Variants in PHLPP1 observed in about 807,000 individuals in gnomAD.
PHLPP1 encodes PH domain leucine-rich repeat-containing protein phosphatase 1.
Under a neutral mutation model 117.2 loss-of-function variants are expected in PHLPP1, and 42 were observed. That is an observed-to-expected ratio of 0.36 (90% confidence interval 0.28 to 0.46). The LOEUF (loss-of-function observed/expected upper bound fraction) is 0.46, where lower values mean the gene tolerates loss of function less well. Among genes scored for constraint, PHLPP1 ranks in the 20% least tolerant of loss-of-function variants. The pLI, the probability that PHLPP1 is intolerant of heterozygous loss-of-function variation, is 1.00. For synonymous variants in PHLPP1, 1,042 were observed against 970.7 expected, an observed-to-expected ratio of 1.07 and a Z score of -1.37; for missense variants, 2,084 against 2,241.9, an observed-to-expected ratio of 0.93 and a Z score of 1.42.
intron 1 of PHLPP1, among the ~76,000 whole-genome samples, chr18:62,763,893 T>C (rs137858782): frequency 2.6e-4 from 39 of 152,146 alleles, no homozygotes; most frequent in African/African-American, 9.1e-4. Context: ...CTGGGTGCGG[T>C]GGCTCACACC....
intron 1 of PHLPP1, among the ~76,000 whole-genome samples, chr18:62,816,616 A>G (rs1914282953): frequency 6.6e-6 from 1 of 152,148 alleles, no homozygotes; most frequent in Non-Finnish European, 1.5e-5. Context: ...TTATTTTTCT[A>G]AAACTTTATG....
chr18:62,975,681 G>A, intron 16 of PHLPP1, 56 bp downstream of exon 16: 1 of 1,171,970 alleles, frequency 8.5e-7, no homozygotes, highest in Non-Finnish European at 1.3e-6. Flanking sequence ...AGGAGACCAG[G>A]TCATAGCAGA....
chr18:62,951,626 CTT>C (rs1434026521), intron 12 of PHLPP1, among the ~76,000 whole-genome samples: 1 of 152,106 alleles, frequency 6.6e-6, no homozygotes, highest in Admixed American at 6.6e-5. Flanking sequence ...TTTCAAGTCT[CTT>C]TTTCAGTCTA....
intron 4 of PHLPP1, among the ~76,000 whole-genome samples, chr18:62,874,649 G>A (rs1294156733): frequency 3.1e-5 from 3 of 96,394 alleles, no homozygotes; most frequent in Non-Finnish European, 7.4e-5. Context: ...GGGCGCGCAC[G>A]CACGCGCGCA....
intron 4 of PHLPP1, among the ~76,000 whole-genome samples, chr18:62,891,933 A>G (rs1233278297): frequency 6.7e-6 from 1 of 149,512 alleles, no homozygotes; most frequent in Non-Finnish European, 1.5e-5. Context: ...ATTTTAATGT[A>G]TATTAATTCA....
At chr18:62,970,296 A>G (rs1911016522) in intron 14 of PHLPP1, among the ~76,000 whole-genome samples, 1 of 151,954 alleles carries the variant, frequency 6.6e-6, no homozygotes. Context: ...CTATGTTATA[A>G]CCTCCAAAAT....
At chr18:62,817,572 TA>T (rs557372487) in intron 1 of PHLPP1, among the ~76,000 whole-genome samples, 9 of 147,830 alleles carry the variant, frequency 6.1e-5, no homozygotes, top group Non-Finnish European at 9.0e-5. Context: ...CATACAGAAT[TA>T]AAAAAAAAAC....
intron 1 of PHLPP1, among the ~76,000 whole-genome samples, chr18:62,793,785 C>G (rs1416787115): frequency 6.6e-6 from 1 of 152,160 alleles, no homozygotes; most frequent in African/African-American, 2.4e-5. Context: ...AGAGTCTATT[C>G]TCTTAACTCC....
At chr18:62,776,062 A>AT (rs201002525) in intron 1 of PHLPP1, among the ~76,000 whole-genome samples, 13 of 152,084 alleles carry the variant, frequency 8.5e-5, no homozygotes, top group Non-Finnish European at 1.6e-4. Flanking sequence ...CTATAAAGAG[A>AT]TTTAAAAAAA....
intron 10 of PHLPP1, among the ~76,000 whole-genome samples, chr18:62,922,492 T>C (rs1909504565): frequency 2.0e-5 from 3 of 152,234 alleles, no homozygotes; most frequent in Admixed American, 2.0e-4. Flanking sequence ...CAGATCACTT[T>C]AGACATATGC....
rs188567416 is a variant in PHLPP1 at position 62,902,929 on chromosome 18, A to G, written c.2445-35A>G. 502 of 1,306,450 alleles carry G rather than the reference A, an allele frequency of 3.8e-4. 6 individuals are homozygous for G. In the South Asian group the frequency reaches 5.3e-3, roughly 14 times the overall value. 80.9% of individuals were successfully genotyped at this position (1,306,450 alleles called of 1,614,324 possible). A position where few individuals can be genotyped will look rare whatever the true frequency, so the allele number is the denominator to read the frequency against. ...TGTGCCCATTTACTTATAGCATTGC[A>G]GTTAATTATAGTCTCTATGTCCTTT... On this transcript the variant is annotated intron_variant, in intron 6 of 16. Coordinates refer to ENST00000262719, the MANE Select transcript of PHLPP1 (RefSeq NM_194449.4).
At chr18:62,798,583 G>A (rs539409216) in intron 1 of PHLPP1, among the ~76,000 whole-genome samples, 3 of 152,304 alleles carry the variant, frequency 2.0e-5, no homozygotes, top group African/African-American at 7.2e-5. Flanking sequence ...ACATTTTAGA[G>A]TTATGTTGTT....
rs1911306779 is a variant in PHLPP1 at position 62,979,334 on chromosome 18, A to C, written c.5057A>C (p.Gln1686Pro). ...ATGAAGCATCACCAGGAGCAACAGC[A>C]GCAGCAGCAGCCGCCACCACCCCCT... ...EIMKHHQEQQQQQQPPPPPQL... is the reference protein window; with the variant it reads ...EIMKHHQEQQPQQQPPPPPQL... The change falls in exon 17 of 17, where the codon CAG becomes CCG. Residue 1686 changes from glutamine to proline, a missense_variant. Physicochemically the swap from Gln to Pro is moderately conservative, Grantham distance 76. Coordinates refer to ENST00000262719, the MANE Select transcript of PHLPP1 (RefSeq NM_194449.4). 1 of 1,551,140 alleles carries C rather than the reference A, an allele frequency of 6.4e-7. No individual in the cohort carries two copies. Among genetic ancestry groups the C allele is most frequent in the Non-Finnish European group, 8.7e-7 (1 of 1,146,190 alleles).
At chr18:62,896,396 A>G (rs1356398593) in intron 6 of PHLPP1, among the ~76,000 whole-genome samples, 5 of 148,838 alleles carry the variant, frequency 3.4e-5, no homozygotes, top group Non-Finnish European at 5.9e-5. Context: ...GGTTCATGCC[A>G]TTCTCCTGTC....
chr18:62,930,827 C>A (rs1357699962), intron 10 of PHLPP1, among the ~76,000 whole-genome samples: 2 of 152,128 alleles, frequency 1.3e-5, no homozygotes, highest in Non-Finnish European at 2.9e-5. Context: ...AAATTGAAAT[C>A]CTGTCAAGCA....
At position 62,740,657 on chromosome 18, in the gene PHLPP1, G is replaced by A. The variant is rs114444864; in HGVS notation, c.1576+23398G>A. On this transcript the variant is annotated intron_variant, in intron 1 of 16. Transcript: ENST00000262719. ...ATTATGGTTATTGAAACAAAAACGAGCATTATTTTAGTTTTTCTTAAGAAC... is the reference window on the plus strand; with the variant it reads ...ATTATGGTTATTGAAACAAAAACGAACATTATTTTAGTTTTTCTTAAGAAC... 3.9e-3 allele frequency among the ~76,000 whole-genome samples: 594 copies of A among 152,298 alleles called. 3 individuals carry two copies. Among genetic ancestry groups the A allele is most frequent in the African/African-American group, 0.013 (561 of 41,564 alleles).
chr18:62,978,760 T>G lies in PHLPP1; in HGVS notation c.4483T>G (p.Ser1495Ala), dbSNP rs1217445176. The change falls in exon 17 of 17, where the codon TCC (serine) becomes GCC (alanine). Residue 1495 changes from serine (S) to alanine (A), a missense_variant. By Grantham distance (99) the Ser-to-Ala change is moderately conservative (BLOSUM62 1). Transcript: ENST00000262719. This position sits in a 1 kb window ranked among gnomAD's most constrained non-coding sequence, Gnocchi z 7.0. ...GAGCAGCGAGGTGGGGTCAACAGCCTCCGATGAGCCCCCGCCCGGAGCCCT... is the reference window on the plus strand; with the variant it reads ...GAGCAGCGAGGTGGGGTCAACAGCCGCCGATGAGCCCCCGCCCGGAGCCCT... Reference protein sequence around the residue: ...EMSSEVGSTASDEPPPGALSE... With the variant: ...EMSSEVGSTAADEPPPGALSE... 1 of 1,613,092 alleles carries G rather than the reference T, an allele frequency of 6.2e-7. No individual in the cohort carries two copies. The highest frequency in any genetic ancestry group is 8.5e-7 in the Non-Finnish European group (1 of 1,179,728).
chr18:62,750,570 C>T (rs575417352), intron 1 of PHLPP1, among the ~76,000 whole-genome samples: 4 of 152,308 alleles, frequency 2.6e-5, no homozygotes, highest in Admixed American at 1.3e-4. Context: ...CAGCTTGTCT[C>T]AGATTGGACT....
In PHLPP1 at chr18:62,836,675, C is replaced by G. The variant is rs187682424; in HGVS notation, c.1774-2109C>G. ...TGAGTTTGCATGAGTTTGGATTGAT[C>G]TATTTTTTGAAACTTTGGTAAAAGT... On this transcript the variant is annotated intron_variant, in intron 2 of 16. Coordinates refer to ENST00000262719, the MANE Select transcript of PHLPP1 (RefSeq NM_194449.4). Among the ~76,000 whole-genome samples, 313 of 148,978 alleles carry G rather than the reference C, an allele frequency of 2.1e-3. 3 individuals carry two copies. Among genetic ancestry groups the G allele is most frequent in the African/African-American group, 7.4e-3 (300 of 40,416 alleles).
Sources: allele counts gnomAD v4.1 joint callset (sites outside exome capture counted in the v4.1 genomes callset), GRCh38; gene constraint gnomAD v4.1.1; non-coding constraint Gnocchi (gnomAD v3.1); transcripts MANE v1.5; gene names NCBI Gene and HGNC (gene_info 2026-07-23, HGNC 2026-07-21).